EPC2: variants seen among roughly 807,000 people sequenced by gnomAD.
The protein encoded by EPC2 is enhancer of polycomb homolog 2.
EPC2 carries 14 observed loss-of-function variants against 92.1 expected under a neutral mutation model. The observed-to-expected ratio is 0.15, with a 90% CI of 0.10 to 0.24. The LOEUF is 0.24. Among genes scored for constraint, EPC2 ranks in the 10% least tolerant of loss-of-function variants. The pLI is 1.00. For missense variants in EPC2, 755 were observed against 971.5 expected (o/e 0.78, Z 2.96); for synonymous variants, 340 against 334.7 (o/e 1.02, Z -0.17).
intron 2 of EPC2, among the ~76,000 whole-genome samples, chr2:148,715,922 T>G (rs980098104): frequency 2.6e-5 from 4 of 152,210 alleles, no homozygotes; most frequent in African/African-American, 7.2e-5. Context: ...ATAGTTCTCC[T>G]TGAAGAGGTC....
At position 148,765,912 on chromosome 2, in the gene EPC2, T is replaced by C. The variant is rs565683467; in HGVS notation, c.1140+766T>C. 3.2e-3 allele frequency among the ~76,000 whole-genome samples: 494 copies of C among 152,224 alleles called. 4 individuals carry two copies. Among genetic ancestry groups the C allele is most frequent in the African/African-American group, 0.011 (458 of 41,530 alleles). ...TCAGCCAGGTGTGGTGGCGGGCGCC[T>C]GTAGTCCCCGCTACTCCTGAGGCTG... is the stretch of plus-strand genomic sequence containing the variant. On this transcript the variant is annotated intron_variant, in intron 7 of 13. Coordinates refer to ENST00000258484, the MANE Select transcript of EPC2 (RefSeq NM_015630.4).
rs1171022689 is a variant in EPC2, at chr2:148,777,943, A to G, written c.1721-3701A>G. On this transcript the variant is annotated intron_variant, in intron 10 of 13. Coordinates refer to ENST00000258484, the MANE Select transcript of EPC2 (RefSeq NM_015630.4). ...ATACAACATATCTAGAAATGCAAGTATGTTACTAACGTCCTGAATGACATA... is the reference window on the plus strand; with the variant it reads ...ATACAACATATCTAGAAATGCAAGTGTGTTACTAACGTCCTGAATGACATA... 2.6e-5 allele frequency among the ~76,000 whole-genome samples: 4 copies of G among 152,208 alleles called. 1 individual carries two copies. Among genetic ancestry groups the G allele is most frequent in the Non-Finnish European group, 5.9e-5 (4 of 68,032 alleles).
At chr2:148,670,467 T>C (rs1203066091) in intron 1 of EPC2, among the ~76,000 whole-genome samples, 1 of 152,194 alleles carries the variant, frequency 6.6e-6, no homozygotes, top group East Asian at 1.9e-4. Flanking sequence ...CTATTTTGTT[T>C]CAAAACATTT....
At chr2:148,691,526 G>A (rs1681643611) in intron 2 of EPC2, 1 of 1,550,088 alleles carries the variant, frequency 6.5e-7, no homozygotes, top group Non-Finnish European at 8.7e-7. Flanking sequence ...GAGATGCACT[G>A]TTTTCATCTT....
At chr2:148,732,408 T>A (rs1278483694) in intron 2 of EPC2, among the ~76,000 whole-genome samples, 1 of 147,620 alleles carries the variant, frequency 6.8e-6, no homozygotes, top group Admixed American at 7.0e-5. Flanking sequence ...TGAGATGTAG[T>A]CTCATTCTGT....
At chr2:148,771,691 G>C (rs1438622792) in intron 10 of EPC2, among the ~76,000 whole-genome samples, 1 of 152,088 alleles carries the variant, frequency 6.6e-6, no homozygotes, top group Non-Finnish European at 1.5e-5. Flanking sequence ...TTATGTTAAA[G>C]GTAGTTTTCA....
intron 2 of EPC2, chr2:148,692,431 A>C (rs1250109537): frequency 3.3e-5 from 5 of 152,238 alleles, no homozygotes; most frequent in Non-Finnish European, 7.3e-5. Flanking sequence ...ATAGATGCTC[A>C]ATAAATGATG....
intron 2 of EPC2, among the ~76,000 whole-genome samples, chr2:148,705,163 A>G (rs1243327929): frequency 1.3e-5 from 2 of 152,148 alleles, no homozygotes; most frequent in Non-Finnish European, 2.9e-5. Flanking sequence ...AACCAAATTA[A>G]TAATAATTCC....
intron 4 of EPC2, among the ~76,000 whole-genome samples, chr2:148,756,900 C>T (rs1366825478): frequency 1.3e-5 from 2 of 152,146 alleles, no homozygotes; most frequent in Non-Finnish European, 2.9e-5. Context: ...AGAACCACTT[C>T]CCTAGAGATT....
chr2:148,739,273 A>G (rs1682827957), intron 2 of EPC2, among the ~76,000 whole-genome samples: 1 of 152,214 alleles, frequency 6.6e-6, no homozygotes, highest in South Asian at 2.1e-4. Context: ...ATTATGAAGT[A>G]ATGGGCAGTA....
chr2:148,679,744 C>A (rs1681355066), intron 1 of EPC2, among the ~76,000 whole-genome samples: 1 of 152,160 alleles, frequency 6.6e-6, no homozygotes, highest in Non-Finnish European at 1.5e-5. Flanking sequence ...TTCCTGCGCT[C>A]AAGTGATCCT....
chr2:148,652,255 G>C (rs1680703315), intron 1 of EPC2, among the ~76,000 whole-genome samples: 1 of 152,178 alleles, frequency 6.6e-6, no homozygotes, highest in Admixed American at 6.5e-5. Flanking sequence ...ATGATCAAAA[G>C]TTAGGAAGTT....
chr2:148,646,646 G>T (rs1574557429), intron 1 of EPC2, among the ~76,000 whole-genome samples: 1 of 150,838 alleles, frequency 6.6e-6, no homozygotes, highest in African/African-American at 2.4e-5. Context: ...TCCATGGGAA[G>T]GAAAATTAAA....
At chr2:148,710,367 G>A (rs1682112220) in intron 2 of EPC2, among the ~76,000 whole-genome samples, 1 of 152,228 alleles carries the variant, frequency 6.6e-6, no homozygotes, top group Admixed American at 6.5e-5. Flanking sequence ...TGGAGAGGAT[G>A]TGGAGAAATA....
At chr2:148,703,624 G>A (rs914763313) in intron 2 of EPC2, among the ~76,000 whole-genome samples, 3 of 152,022 alleles carry the variant, frequency 2.0e-5, no homozygotes, top group African/African-American at 4.8e-5. Flanking sequence ...GACCTCCCAG[G>A]CTCTAGCACT....
chr2:148,678,892 C>T (rs1254857069), intron 1 of EPC2, among the ~76,000 whole-genome samples: 1 of 152,218 alleles, frequency 6.6e-6, no homozygotes, highest in Non-Finnish European at 1.5e-5. Context: ...GGAGCCCAGG[C>T]AGAGGAGGCG....
At chr2:148,758,104 A>C (rs1449885954) in intron 4 of EPC2, among the ~76,000 whole-genome samples, 1 of 137,934 alleles carries the variant, frequency 7.2e-6, no homozygotes, top group East Asian at 2.5e-4. Context: ...GCATCAAAAT[A>C]GATTATGAAA....
rs1428861725 is a variant in EPC2, at chr2:148,645,004, A to G, written c.-14A>G. On this transcript the variant is annotated 5_prime_UTR_variant, in exon 1 of 14. Coordinates refer to ENST00000258484, the MANE Select transcript of EPC2 (RefSeq NM_015630.4). ...CCGCCGCCGCCCGGGCTGTTCCTGT[A>G]AGGCGGGGAGACAATGAGTAAACTC... 1 of 1,520,270 alleles carries G rather than the reference A, an allele frequency of 6.6e-7. No individual in the cohort carries two copies. Among genetic ancestry groups the G allele is most frequent in the South Asian group, 1.2e-5 (1 of 83,528 alleles). 94.2% of individuals were successfully genotyped at this position (1,520,270 alleles called of 1,614,324 possible). A position where few individuals can be genotyped will look rare whatever the true frequency, so the allele number is the denominator to read the frequency against.
chr2:148,768,309 ATAT>A (rs1356630621), intron 7 of EPC2, among the ~76,000 whole-genome samples: 21 of 152,196 alleles, frequency 1.4e-4, no homozygotes, highest in African/African-American at 5.1e-4. Context: ...TATCTAAAAC[ATAT>A]TATTTCCCTA....
Sources: allele counts gnomAD v4.1 joint callset (sites outside exome capture counted in the v4.1 genomes callset), GRCh38; gene constraint gnomAD v4.1.1; transcripts MANE v1.5; gene names NCBI Gene and HGNC (gene_info 2026-07-23, HGNC 2026-07-21).